MYO1E: variants seen among roughly 807,000 people sequenced by gnomAD.
The protein encoded by MYO1E is myosin IE, also known as unconventional myosin-Ie.
Under a neutral mutation model 151.1 loss-of-function variants are expected in MYO1E, and 68 were observed. That is an observed-to-expected ratio of 0.45 (90% CI 0.37 to 0.55). MYO1E has a LOEUF of 0.55. Ranked by LOEUF, MYO1E falls within the 20% of genes least tolerant of loss-of-function variation. The probability of loss-of-function intolerance (pLI) is 0.00; values close to 1 mark genes in which losing one functional copy is unlikely to be tolerated. For synonymous variants in MYO1E, 601 were observed against 501.7 expected (o/e 1.20, Z -2.64); for missense variants, 1,363 against 1,389.3 (o/e 0.98, Z 0.30).
intron 4 of MYO1E, among the ~76,000 whole-genome samples, chr15:59,248,436 G>A (rs1269875267): frequency 2.4e-5 from 3 of 126,664 alleles, no homozygotes; most frequent in East Asian, 2.4e-4. Flanking sequence ...GCAGTGAGCC[G>A]AGATCACACC....
At position 59,208,763 on chromosome 15, in the gene MYO1E, T is replaced by A. The variant is rs1297837201; in HGVS notation, c.1448A>T (p.Gln483Leu). 5 of 1,614,250 alleles carry A rather than the reference T, an allele frequency of 3.1e-6. No individual in the cohort carries two copies. The highest frequency in any genetic ancestry group is 4.2e-6 in the Non-Finnish European group (5 of 1,180,042). The change falls in exon 14 of 28, where the codon CAG (glutamine) becomes CTG (leucine). Residue 483 changes from glutamine (Q) to leucine (L), a missense_variant. Coordinates refer to ENST00000288235, the MANE Select transcript of MYO1E (RefSeq NM_004998.4). The part of the protein sequence containing the change: ...VGEGADQTLL[Q>L]KLQMQIGSHE... Reference sequence around the variant, plus strand: ...ACTCCCAATCTGCATCTGAAGTTTCTGGAGCAGCGTCTGATCTGCCCCCTC... The same window carrying A: ...ACTCCCAATCTGCATCTGAAGTTTCAGGAGCAGCGTCTGATCTGCCCCCTC...
intron 6 of MYO1E, among the ~76,000 whole-genome samples, chr15:59,228,685 C>G (rs770382005): frequency 6.6e-6 from 1 of 151,906 alleles, no homozygotes; most frequent in South Asian, 2.1e-4. Context: ...GGAGAAGATG[C>G]CCAGCCTCAT....
chr15:59,318,357 A>G (rs576022540), intron 1 of MYO1E, among the ~76,000 whole-genome samples: 2 of 152,278 alleles, frequency 1.3e-5, no homozygotes, highest in Admixed American at 1.3e-4. Context: ...ATTGAGCCCA[A>G]CGGAGACTAC....
chr15:59,135,072 C>T lies in MYO1E; in HGVS notation c.*2308G>A, dbSNP rs1462283040. On this transcript the variant is annotated 3_prime_UTR_variant, in exon 28 of 28. Coordinates refer to ENST00000288235, the MANE Select transcript of MYO1E (RefSeq NM_004998.4). The stretch of plus-strand genomic sequence containing the variant: ...CTTAATAGTGTCAGCATTTCAGCAT[C>T]TCTACGCAGATCTAAGTCTCCTTCC... The T allele has an allele frequency of 6.6e-6, 1 of 152,212 alleles. No individual in the cohort carries two copies. The allele number at this position is 152,212 out of a possible 1,614,324, so 9.4% of individuals were successfully genotyped here.
intron 12 of MYO1E, among the ~76,000 whole-genome samples, chr15:59,213,144 TATTA>T (rs2079890856): frequency 6.4e-5 from 3 of 47,144 alleles, no homozygotes; most frequent in African/African-American, 1.8e-4. Context: ...TATTTATTAT[TATTA>T]TTATTATTAT....
intron 26 of MYO1E, among the ~76,000 whole-genome samples, chr15:59,151,076 G>C (rs2079475236): frequency 6.6e-6 from 1 of 151,520 alleles, no homozygotes. Flanking sequence ...TGCACTTAGA[G>C]AGAGGTCTAC....
intron 22 of MYO1E, among the ~76,000 whole-genome samples, chr15:59,169,469 A>G (rs1303694243): frequency 1.3e-5 from 2 of 152,254 alleles, no homozygotes; most frequent in East Asian, 1.9e-4. Context: ...TAACTCAAGT[A>G]TAAAGAAATG....
chr15:59,192,683 G>A (rs986514522), intron 17 of MYO1E, among the ~76,000 whole-genome samples: 2 of 152,220 alleles, frequency 1.3e-5, no homozygotes, highest in Non-Finnish European at 2.9e-5. Flanking sequence ...CAGGTGGATA[G>A]AGTTTGAAAT....
chr15:59,347,270 C>T (rs35049953), intron 1 of MYO1E, among the ~76,000 whole-genome samples: 74,320 of 152,012 alleles, frequency 0.49, 22,896 homozygotes, highest in Non-Finnish European at 0.69. Flanking sequence ...ATCCAGGCTG[C>T]GCGCTTCTAA....
intron 21 of MYO1E, 140 bp downstream of exon 21, chr15:59,173,606 T>G: frequency 1.1e-6 from 1 of 950,624 alleles, no homozygotes; most frequent in South Asian, 1.4e-5. Flanking sequence ...TGCCTGTTTA[T>G]CTTTTGGTTT....
chr15:59,370,524 G>A (rs533789960), intron 1 of MYO1E, among the ~76,000 whole-genome samples: 12 of 152,280 alleles, frequency 7.9e-5, no homozygotes, highest in Admixed American at 2.6e-4. Context: ...ACAGATAGTC[G>A]CCTGGGGGCA....
chr15:59,328,628 T>C (rs1354340951), intron 1 of MYO1E, among the ~76,000 whole-genome samples: 1 of 152,200 alleles, frequency 6.6e-6, no homozygotes, highest in Non-Finnish European at 1.5e-5. Flanking sequence ...TGTGCAGAGA[T>C]GACCCTGATC....
chr15:59,306,936 G>A (rs922242533), intron 1 of MYO1E, among the ~76,000 whole-genome samples: 4 of 152,306 alleles, frequency 2.6e-5, no homozygotes, highest in Middle Eastern at 3.4e-3. Flanking sequence ...TGCAGCAAGC[G>A]TTCTCATTCC....
chr15:59,225,688 C>G (rs1476340323), intron 7 of MYO1E, among the ~76,000 whole-genome samples: 1 of 151,318 alleles, frequency 6.6e-6, no homozygotes, highest in Admixed American at 6.6e-5. Context: ...ACTCTGTCGC[C>G]CAGGCTGGAG....
intron 1 of MYO1E, among the ~76,000 whole-genome samples, chr15:59,284,277 C>T (rs2080374223): frequency 1.3e-5 from 2 of 152,138 alleles, no homozygotes; most frequent in South Asian, 4.1e-4. Context: ...GAGTCCTGGG[C>T]CCAGAGTCTG....
At chr15:59,180,626 G>C (rs2079652696) in intron 18 of MYO1E, among the ~76,000 whole-genome samples, 1 of 151,496 alleles carries the variant, frequency 6.6e-6, no homozygotes, top group East Asian at 1.9e-4. Flanking sequence ...TGAGGGTCTT[G>C]GCAATACATG....
chr15:59,206,040 A>G (rs944291968), intron 14 of MYO1E, among the ~76,000 whole-genome samples: 7 of 152,170 alleles, frequency 4.6e-5, no homozygotes, highest in Middle Eastern at 3.4e-3. Context: ...AGACCAGGGG[A>G]TTTCCATAGC....
intron 2 of MYO1E, among the ~76,000 whole-genome samples, chr15:59,268,730 T>TTTTTTTTTTTTTTTTTTTTTTG (rs2080272514): frequency 7.4e-6 from 1 of 134,480 alleles, no homozygotes; most frequent in Non-Finnish European, 1.6e-5. Context: ...ATTTTTTTTT[T>TTTTTTTTTTTTTTTTTTTTTTG]TTTTTTTTTT....
intron 26 of MYO1E, among the ~76,000 whole-genome samples, chr15:59,152,411 G>A (rs1055276771): frequency 6.6e-6 from 1 of 152,174 alleles, no homozygotes; most frequent in Non-Finnish European, 1.5e-5. Flanking sequence ...CTTGAGAGAG[G>A]GGAAGAGAAG....
Sources: allele counts gnomAD v4.1 joint callset (sites outside exome capture counted in the v4.1 genomes callset), GRCh38; gene constraint gnomAD v4.1.1; transcripts MANE v1.5; gene names NCBI Gene and HGNC (gene_info 2026-07-23, HGNC 2026-07-21).